Variants in KCNJ12 observed in about 807,000 individuals in gnomAD.
KCNJ12 encodes the protein potassium inwardly rectifying channel subfamily J member 12, also known as ATP-sensitive inward rectifier potassium channel 12.
A neutral mutation model predicts 22.3 loss-of-function variants in KCNJ12; 2 were observed. That is an observed-to-expected ratio of 0.09 (90% CI 0.04 to 0.28). The LOEUF (loss-of-function observed/expected upper bound fraction) is 0.28. Ranked by LOEUF, KCNJ12 falls within the 10% of genes least tolerant of loss-of-function variation. KCNJ12 has a pLI of 1.00. For synonymous variants in KCNJ12, 117 were observed against 261.4 expected (o/e 0.45, Z 5.33); for missense variants, 155 against 633.3 (o/e 0.24, Z 8.11).
At chr17:21,392,038 G>T (rs1256871568) in intron 1 of KCNJ12, among the ~76,000 whole-genome samples, 3 of 152,234 alleles carry the variant, frequency 2.0e-5, no homozygotes, top group African/African-American at 7.2e-5. Context: ...GGTAGAACCG[G>T]CTGACTTATG....
chr17:21,385,479 C>T (rs563569767), intron 1 of KCNJ12, among the ~76,000 whole-genome samples: 52 of 152,316 alleles, frequency 3.4e-4, no homozygotes, highest in African/African-American at 1.0e-3. Context: ...GCCATCACCC[C>T]GGCCTGCTGG....
chr17:21,409,085 C>A (rs1398728683), intron 2 of KCNJ12, among the ~76,000 whole-genome samples: 6 of 152,312 alleles, frequency 3.9e-5, no homozygotes, highest in African/African-American at 1.4e-4. Context: ...TTCCTGGGTG[C>A]CCCTCTTTGC....
chr17:21,395,512 C>T (rs531805715), intron 1 of KCNJ12, among the ~76,000 whole-genome samples: 3 of 116,786 alleles, frequency 2.6e-5, no homozygotes, highest in African/African-American at 6.7e-5. Flanking sequence ...ACCCGGGATG[C>T]GGACGTTGCA....
intron 1 of KCNJ12, among the ~76,000 whole-genome samples, chr17:21,380,622 G>T (rs1555557808): frequency 2.6e-5 from 4 of 152,150 alleles, no homozygotes; most frequent in Non-Finnish European, 5.9e-5. Flanking sequence ...GTGGGGAGGG[G>T]CTGGTCTCAG....
At chr17:21,413,806 G>A (rs1288990720) in intron 2 of KCNJ12, among the ~76,000 whole-genome samples, 2 of 152,412 alleles carry the variant, frequency 1.3e-5, no homozygotes, top group Admixed American at 1.3e-4. Flanking sequence ...GCCTGTCCTG[G>A]GGTGCCTGAA....
At chr17:21,411,514 C>T (rs1409547402) in intron 2 of KCNJ12, among the ~76,000 whole-genome samples, 17 of 152,288 alleles carry the variant, frequency 1.1e-4, no homozygotes, top group African/African-American at 3.4e-4. Context: ...ATTCCCCTCC[C>T]GGCGACCCTG....
intron 2 of KCNJ12, among the ~76,000 whole-genome samples, chr17:21,413,610 G>C (rs1906504857): frequency 6.6e-6 from 1 of 152,208 alleles, no homozygotes; most frequent in African/African-American, 2.4e-5. Flanking sequence ...AAGGCAGGCT[G>C]CCATCCAGAT....
intron 1 of KCNJ12, among the ~76,000 whole-genome samples, chr17:21,383,430 C>T (rs564575331): frequency 7.9e-5 from 12 of 151,774 alleles, no homozygotes; most frequent in South Asian, 2.1e-4. Context: ...GGGAGCTTGG[C>T]GTGGCCGGAG....
At chr17:21,377,185 G>C (rs1327181688) in intron 1 of KCNJ12, among the ~76,000 whole-genome samples, 2 of 152,178 alleles carry the variant, frequency 1.3e-5, no homozygotes, top group Non-Finnish European at 2.9e-5. Context: ...TTCGTCCTGG[G>C]GGGCGCTCCG....
rs1256842690 is a variant in KCNJ12, at chr17:21,376,429, C to G, written c.-663C>G. The G allele has an allele frequency of 1.3e-5, 2 of 151,952 alleles. No homozygotes were observed. Among genetic ancestry groups the G allele is most frequent in the East Asian group, 3.9e-4 (2 of 5,122 alleles). The allele number at this position is 151,952 out of a possible 1,614,324, so 9.4% of individuals were successfully genotyped here. ...GCGCCGAGCCTCTGCCTCCCGCCGC[C>G]TCCTCGCCCTCCATTCCTCGCTCCC... is the stretch of plus-strand genomic sequence containing the variant. On this transcript the variant is annotated 5_prime_UTR_variant, in exon 1 of 3. Coordinates refer to ENST00000583088, the MANE Select transcript of KCNJ12 (RefSeq NM_021012.5). The surrounding 1 kb of genome is among the most constrained non-coding windows in gnomAD (Gnocchi z 5.3).
chr17:21,379,577 A>AG (rs1391692096), intron 1 of KCNJ12, among the ~76,000 whole-genome samples: 2 of 152,000 alleles, frequency 1.3e-5, no homozygotes, highest in Admixed American at 6.5e-5. Context: ...AGAGTCAGGG[A>AG]GGGGGCAGCT....
chr17:21,415,648 C>T lies in KCNJ12; in HGVS notation c.306C>T (p.Phe102=), dbSNP rs1343811013. 1.4e-5 allele frequency: 22 copies of T among 1,613,514 alleles called. No homozygotes were observed. The highest frequency in any genetic ancestry group is 1.8e-5 in the Non-Finnish European group (21 of 1,179,970). ...LASWLLFGII[F]WVIAVAHGDL... is the part of the protein sequence containing the mutation. The stretch of plus-strand genomic sequence containing the variant: ...CCTGGCTGCTGTTCGGCATCATCTT[C>T]TGGGTCATCGCGGTGGCACACGGTG... The change falls in exon 3 of 3, where the codon TTC becomes TTT. Residue 102 remains phenylalanine, a synonymous_variant. Transcript: ENST00000583088.
chr17:21,411,474 TCAGGTAGTGTACCC>T (rs1906345399), intron 2 of KCNJ12, among the ~76,000 whole-genome samples: 1 of 152,290 alleles, frequency 6.6e-6, no homozygotes, highest in Non-Finnish European at 1.5e-5. Context: ...CTTGTCTAGC[TCAGGTAGTGTACCC>T]CAGCGCCCCT....
In KCNJ12 at chr17:21,417,219, G is replaced by A. The variant is rs1906896527; in HGVS notation, c.*575G>A. On this transcript the variant is annotated 3_prime_UTR_variant, in exon 3 of 3. Transcript: ENST00000583088. Reference sequence around the variant, plus strand: ...CAGAGGGTTCCCCGAGGTGGGACTGGCCTCTCCCCGTGTGTGTGGGCACCA... The same window carrying A: ...CAGAGGGTTCCCCGAGGTGGGACTGACCTCTCCCCGTGTGTGTGGGCACCA... 6.0e-6 allele frequency: 1 copy of A among 167,974 alleles called. No homozygotes were observed. The highest frequency in any genetic ancestry group is 2.4e-5 in the African/African-American group (1 of 41,480). The allele number at this position is 167,974 out of a possible 1,614,324, so 10.4% of individuals were successfully genotyped here.
chr17:21,408,680 C>T (rs1257711495), intron 2 of KCNJ12, 40 bp downstream of exon 2: 4 of 152,404 alleles, frequency 2.6e-5, no homozygotes, highest in African/African-American at 9.6e-5. Flanking sequence ...TGCATCTAGG[C>T]ATTCCTTCCA....
At chr17:21,395,143 A>G (rs1049567408) in intron 1 of KCNJ12, among the ~76,000 whole-genome samples, 4 of 151,926 alleles carry the variant, frequency 2.6e-5, no homozygotes, top group African/African-American at 9.7e-5. Flanking sequence ...CAAAAATGAA[A>G]CATTAGCTGG....
intron 1 of KCNJ12, among the ~76,000 whole-genome samples, chr17:21,402,838 C>T: frequency 6.6e-6 from 1 of 152,422 alleles, no homozygotes; most frequent in Middle Eastern, 3.4e-3. Context: ...GCAAGGCAGG[C>T]CTGGAGGGCT....
At chr17:21,396,508 C>G (rs1460912002) in intron 1 of KCNJ12, among the ~76,000 whole-genome samples, 1 of 152,156 alleles carries the variant, frequency 6.6e-6, no homozygotes, top group Admixed American at 6.5e-5. Context: ...ATGAGGACAC[C>G]GAGGCTCAGA....
At chr17:21,407,908 A>G (rs1224922034) in intron 1 of KCNJ12, among the ~76,000 whole-genome samples, 2 of 152,256 alleles carry the variant, frequency 1.3e-5, no homozygotes, top group Admixed American at 6.5e-5. Context: ...CCACCCATGT[A>G]TTCATTCATC....
Sources: gnomAD v4.1 joint callset for allele counts (sites outside exome capture counted in the v4.1 genomes callset) on GRCh38, gnomAD v4.1.1 for gene constraint, Gnocchi (gnomAD v3.1) non-coding constraint, MANE v1.5 for transcripts, NCBI Gene and HGNC (gene_info 2026-07-23, HGNC 2026-07-21) for gene names.